The following FAT1 variants were observed in gnomAD, a reference collection of about 807,000 sequenced individuals.
The protein encoded by FAT1 is protocadherin Fat 1.
Under a neutral mutation model 329.8 loss-of-function variants are expected in FAT1, and 171 were observed. The observed-to-expected ratio is 0.52, with a 90% CI of 0.46 to 0.59. The LOEUF is 0.59. FAT1 is among the 20% of genes least tolerant of loss of function. The probability of loss-of-function intolerance (pLI) is 0.00; values close to 1 mark genes in which losing one functional copy is unlikely to be tolerated. For synonymous variants in FAT1, 2,233 were observed against 2,228.6 expected (o/e 1.00, Z -0.06); for missense variants, 5,672 against 5,774.4 (o/e 0.98, Z 0.57).
intron 9 of FAT1, among the ~76,000 whole-genome samples, chr4:186,622,769 C>G (rs1455563902): frequency 6.6e-6 from 1 of 152,194 alleles, no homozygotes; most frequent in Non-Finnish European, 1.5e-5. Context: ...AATCCATCCA[C>G]GAGCCCATCC....
chr4:186,603,220 A>G lies in FAT1; in HGVS notation c.11306T>C (p.Phe3769Ser). Residue 3769 changes from phenylalanine to serine, a missense_variant, in exon 19 of 27, where the codon TTT becomes TCT. This residue lies in a region of FAT1 where 1,706 missense variants were observed against 1,859.1 expected (regional missense o/e 0.92). Transcript: ENST00000441802. Reference sequence around the variant, plus strand: ...TGCCCTGTGGTGGCGGGGAGTCACAAAACTCAGTCTGGCTGTGCTGTGTGT... The same window carrying G: ...TGCCCTGTGGTGGCGGGGAGTCACAGAACTCAGTCTGGCTGTGCTGTGTGT... Reference protein sequence around the residue: ...MSTHSTARLSFVTPRHHRAAV... With the variant: ...MSTHSTARLSSVTPRHHRAAV... The G allele has an allele frequency of 6.2e-6, 10 of 1,613,810 alleles. No homozygotes were observed. The highest frequency in any genetic ancestry group is 8.5e-6 in the Non-Finnish European group (10 of 1,179,830).
intron 2 of FAT1, among the ~76,000 whole-genome samples, chr4:186,671,145 G>A (rs1473492366): frequency 6.6e-6 from 1 of 151,838 alleles, no homozygotes; most frequent in Non-Finnish European, 1.5e-5. Flanking sequence ...GAACTTACCT[G>A]TTTTTAATCT....
At chr4:186,722,057 C>T (rs57956026) in intron 1 of FAT1, among the ~76,000 whole-genome samples, 16 of 152,236 alleles carry the variant, frequency 1.1e-4, no homozygotes, top group African/African-American at 3.8e-4. Context: ...AGGTTGGTCT[C>T]GGACCCCCGA....
intron 2 of FAT1, among the ~76,000 whole-genome samples, chr4:186,665,684 T>C (rs1475464606): frequency 2.0e-5 from 3 of 152,168 alleles, no homozygotes; most frequent in Non-Finnish European, 2.9e-5. Flanking sequence ...GTGCAGAAGC[T>C]CTTTAGTTTA....
chr4:186,692,201 C>A (rs1209413092), intron 2 of FAT1, among the ~76,000 whole-genome samples: 2 of 152,244 alleles, frequency 1.3e-5, no homozygotes, highest in Admixed American at 1.3e-4. Context: ...CAACTTACCA[C>A]AGAGCACTTT....
At chr4:186,690,358 C>G (rs1743695740) in intron 2 of FAT1, among the ~76,000 whole-genome samples, 1 of 152,130 alleles carries the variant, frequency 6.6e-6, no homozygotes, top group South Asian at 2.1e-4. Flanking sequence ...AGTGAATGAT[C>G]AGAGACGTAG....
upstream of FAT1, among the ~76,000 whole-genome samples, chr4:186,724,831 T>C (rs1745661362): frequency 6.6e-6 from 1 of 152,108 alleles, no homozygotes; most frequent in South Asian, 2.1e-4. This position sits in a 1 kb window ranked among gnomAD's most constrained non-coding sequence, Gnocchi z 5.3. Flanking sequence ...ACTCAGGCAT[T>C]TTAACACTGG....
chr4:186,690,900 G>A (rs1460857124), intron 2 of FAT1, among the ~76,000 whole-genome samples: 2 of 152,128 alleles, frequency 1.3e-5, no homozygotes, highest in African/African-American at 4.8e-5. Flanking sequence ...CTAATCACAT[G>A]CTGTAATTGT....
intron 2 of FAT1, among the ~76,000 whole-genome samples, chr4:186,681,143 C>G (rs1743188326): frequency 6.6e-6 from 1 of 152,104 alleles, no homozygotes; most frequent in Non-Finnish European, 1.5e-5. Context: ...AAGTATTGGC[C>G]TTATAATCAA....
chr4:186,645,945 CAA>C lies in FAT1; in HGVS notation c.3581-6164_3581-6163del, dbSNP rs773581100. Among the ~76,000 whole-genome samples, 313 of 58,214 alleles carry C rather than the reference CAA, an allele frequency of 5.4e-3. 4 individuals carry two copies. The highest frequency in any genetic ancestry group is 0.014 in the African/African-American group (215 of 15,594). 38.2% of individuals were successfully genotyped at this position (58,214 alleles called of 152,430 possible). The stretch of plus-strand genomic sequence containing the variant: ...TAGGTTACAGAGTGAGACTGTCTCA[CAA>C]AAAAAAAAAAAAAAAATATATACAC... On this transcript the variant is annotated intron_variant, in intron 3 of 26. Coordinates refer to ENST00000441802, the MANE Select transcript of FAT1 (RefSeq NM_005245.4).
chr4:186,719,449 T>TC (rs1226793930), intron 1 of FAT1, among the ~76,000 whole-genome samples: 1 of 152,160 alleles, frequency 6.6e-6, no homozygotes, highest in Admixed American at 6.5e-5. Flanking sequence ...ATCCCAAACC[T>TC]CCCTTAGAGA....
intron 2 of FAT1, among the ~76,000 whole-genome samples, chr4:186,702,956 C>G (rs182960562): frequency 6.6e-6 from 1 of 152,144 alleles, no homozygotes; most frequent in Non-Finnish European, 1.5e-5. Context: ...CACTGTAGAC[C>G]TTACAGATAG....
rs1044056564 is a variant in FAT1, at chr4:186,597,165, C to T, written c.12375G>A (p.Gln4125=). ...TTCCAGAGCACTCGTCGATATCACT[C>T]TGACACCTGCCAAGGAAGTCAGGAA... ...CDSGFRGERC[Q]SDIDECSGNP... is the part of the protein sequence containing the mutation. Residue 4125 remains glutamine, a synonymous_variant, in exon 25 of 27, where the codon CAG becomes CAA. Transcript: ENST00000441802. 4 of 1,601,434 alleles carry T rather than the reference C, an allele frequency of 2.5e-6. No homozygotes were observed. The highest frequency in any genetic ancestry group is 1.3e-5 in the African/African-American group (1 of 74,786).
Position 186,633,826 on chromosome 4 carries a change from A to C in FAT1, c.4184-3T>G. On this transcript the variant is annotated splice_region_variant and splice_polypyrimidine_tract_variant and intron_variant, in intron 6 of 26. Coordinates refer to ENST00000441802, the MANE Select transcript of FAT1 (RefSeq NM_005245.4). ...GAAGTGACTGTCGTAGTTGCCACCT[A>C]ATTTGGGGAAAAAAAAGTAAAAACA... The C allele has an allele frequency of 6.2e-7, 1 of 1,613,956 alleles. No homozygotes were observed. The highest frequency in any genetic ancestry group is 8.5e-7 in the Non-Finnish European group (1 of 1,179,856).
intron 2 of FAT1, among the ~76,000 whole-genome samples, chr4:186,685,822 T>C (rs1484830282): frequency 6.6e-6 from 1 of 152,342 alleles, no homozygotes; most frequent in African/African-American, 2.4e-5. Context: ...CTTTGCTCTA[T>C]CTGGTAGGTT....
At chr4:186,601,213 T>C in intron 21 of FAT1, 56 bp downstream of exon 21, 1 of 1,443,070 alleles carries the variant, frequency 6.9e-7, no homozygotes, top group South Asian at 1.4e-5. Flanking sequence ...GAATATAAAA[T>C]GAAATTTATG....
chr4:186,682,283 T>C (rs1223613700), intron 2 of FAT1, among the ~76,000 whole-genome samples: 1 of 152,080 alleles, frequency 6.6e-6, no homozygotes, highest in Non-Finnish European at 1.5e-5. Flanking sequence ...TCCTAGCACT[T>C]TGGGAGACTA....
At position 186,621,658 on chromosome 4, in the gene FAT1, C is replaced by A. The variant is rs2126527360; in HGVS notation, c.4928G>T (p.Gly1643Val). The A allele has an allele frequency of 6.2e-7, 1 of 1,613,980 alleles. No individual in the cohort carries two copies. Among genetic ancestry groups the A allele is most frequent in the Non-Finnish European group, 8.5e-7 (1 of 1,179,886 alleles). Residue 1643 changes from glycine to valine, a missense_variant, in exon 10 of 27, where the codon GGC becomes GTC. Coordinates refer to ENST00000441802, the MANE Select transcript of FAT1 (RefSeq NM_005245.4). ...AGTTATTTCACTCATTGGTGGACTG[C>A]CCTTATCTGTAGCTTTTACCATTAA... ...YDLMVKATDK[G>V]SPPMSEITSV...
chr4:186,636,368 A>C, intron 5 of FAT1, 133 bp from the exon 6 acceptor site: 1 of 880,316 alleles, frequency 1.1e-6, no homozygotes, highest in Non-Finnish European at 1.7e-6. Context: ...CTGTGTATGG[A>C]ATGCCTGACA....
Sources: allele counts gnomAD v4.1 joint callset (sites outside exome capture counted in the v4.1 genomes callset), GRCh38; gene constraint gnomAD v4.1.1; regional missense constraint gnomAD v4.1.1; non-coding constraint Gnocchi (gnomAD v3.1); transcripts MANE v1.5; gene names NCBI Gene and HGNC (gene_info 2026-07-23, HGNC 2026-07-21).